WDR47: variants seen among roughly 807,000 people sequenced by gnomAD.
WDR47 encodes the protein WD repeat domain 47.
WDR47 carries 32 observed loss-of-function variants against 97.2 expected under a neutral mutation model. That is an observed-to-expected ratio of 0.33 (90% confidence interval 0.25 to 0.44). WDR47 has a LOEUF of 0.44. Ranked by LOEUF, WDR47 falls within the 20% of genes least tolerant of loss-of-function variation. The pLI, the probability that WDR47 is intolerant of heterozygous loss-of-function variation, is 1.00. For synonymous variants in WDR47, 375 were observed against 373.5 expected (o/e 1.00, Z -0.05); for missense variants, 782 against 1,102.3 (o/e 0.71, Z 4.11).
chr1:108,975,119 TAA>T, intron 13 of WDR47, among the ~76,000 whole-genome samples: 2 of 152,106 alleles, frequency 1.3e-5, no homozygotes, highest in Middle Eastern at 3.4e-3. Flanking sequence ...AGAGTGTAGT[TAA>T]AGAGACAAGA....
At chr1:109,013,507 T>A (rs1463278163) in intron 4 of WDR47, among the ~76,000 whole-genome samples, 1 of 150,818 alleles carries the variant, frequency 6.6e-6, no homozygotes, top group African/African-American at 2.4e-5. Flanking sequence ...AAAAAGGACA[T>A]AAATATAACC....
Position 108,971,291 on chromosome 1 carries a change from AGT to A in WDR47, c.*137_*138del. On this transcript the variant is annotated 3_prime_UTR_variant, in exon 15 of 15. Coordinates refer to ENST00000369962, the MANE Select transcript of WDR47 (RefSeq NM_001142551.2). ...ATAACACCACCCAACACCTCCTATC[AGT>A]GGGATACATGGTAATAAGGGGCCTC... The A allele has an allele frequency of 8.7e-7, 1 of 1,148,824 alleles. No individual in the cohort carries two copies. The highest frequency in any genetic ancestry group is 1.5e-5 in the African/African-American group (1 of 64,854). The allele number at this position is 1,148,824 out of a possible 1,614,324, so 71.2% of individuals were successfully genotyped here.
rs1369355073 is a variant in WDR47, at chr1:109,029,517, G to A, written c.-9-5996C>T. Among the ~76,000 whole-genome samples, 28 of 151,708 alleles carry A rather than the reference G, an allele frequency of 1.8e-4. 1 individual carries two copies. Among genetic ancestry groups the A allele is most frequent in the African/African-American group, 4.8e-5 (2 of 41,278 alleles). On this transcript the variant is annotated intron_variant, in intron 1 of 14. Transcript: ENST00000369962. ...TCTACTGAAAATACAAAAATTAGCC[G>A]GGCGTGGTGGTGCATGCCTGTGGTC...
chr1:109,032,284 G>T (rs2102037130), intron 1 of WDR47, among the ~76,000 whole-genome samples: 1 of 137,808 alleles, frequency 7.3e-6, no homozygotes. Context: ...GGCGGAGGCG[G>T]GTGGATCTCG....
intron 1 of WDR47, 100 bp from the exon 2 acceptor site, chr1:109,023,621 A>G: frequency 8.3e-7 from 1 of 1,198,966 alleles, no homozygotes; most frequent in Non-Finnish European, 1.2e-6. Context: ...GGGAATCTTT[A>G]GTACACATAT....
intron 13 of WDR47, among the ~76,000 whole-genome samples, chr1:108,980,886 G>A (rs940787901): frequency 3.3e-5 from 5 of 152,094 alleles, no homozygotes; most frequent in African/African-American, 1.2e-4. Context: ...CCAGCACTGT[G>A]GGAGGCTGAG....
In WDR47 at chr1:109,026,000, G is replaced by A. The variant is rs560524405; in HGVS notation, c.-9-2479C>T. Among the ~76,000 whole-genome samples the A allele has an allele frequency of 1.2e-4, 18 of 151,520 alleles. No individual in the cohort carries two copies. In the East Asian group the frequency reaches 2.5e-3, roughly 21 times the overall value. ...CACCATCCTCCTGTTCACAGACTTC[G>A]TCCAAAAGAGGATACGGTAAAATAA... On this transcript the variant is annotated intron_variant, in intron 1 of 14. Transcript: ENST00000369962.
At chr1:109,039,297 A>C (rs1297137908) in intron 1 of WDR47, among the ~76,000 whole-genome samples, 1 of 151,686 alleles carries the variant, frequency 6.6e-6, no homozygotes, top group African/African-American at 2.4e-5. Context: ...TTTGTCGCCC[A>C]GGCTGGAGTG....
intron 14 of WDR47, among the ~76,000 whole-genome samples, chr1:108,972,660 G>A (rs1657549972): frequency 6.6e-6 from 1 of 152,128 alleles, no homozygotes. Context: ...AATGTCTATA[G>A]GCCGGGCGCG....
intron 1 of WDR47, among the ~76,000 whole-genome samples, chr1:109,026,692 T>C (rs1662240063): frequency 6.6e-6 from 1 of 152,330 alleles, no homozygotes; most frequent in South Asian, 2.1e-4. Context: ...ATTGGGACTA[T>C]AATTTTCTAA....
chr1:108,986,797 T>C, intron 9 of WDR47, 117 bp from the exon 10 acceptor site: 1 of 844,542 alleles, frequency 1.2e-6, no homozygotes, highest in Non-Finnish European at 1.8e-6. Context: ...ATGTTAGGTT[T>C]ACTGCCAATA....
intron 9 of WDR47, among the ~76,000 whole-genome samples, chr1:108,989,461 G>A (rs1427154919): frequency 6.6e-6 from 1 of 152,216 alleles, no homozygotes; most frequent in African/African-American, 2.4e-5. Context: ...CTATGTAAGT[G>A]AATTGAATTC....
At chr1:108,984,338 G>A (rs1333216466) in intron 10 of WDR47, among the ~76,000 whole-genome samples, 1 of 152,180 alleles carries the variant, frequency 6.6e-6, no homozygotes, top group Non-Finnish European at 1.5e-5. Flanking sequence ...TCAAGTCTAT[G>A]TAAGAAAATG....
At chr1:109,039,134 A>G (rs1663166480) in intron 1 of WDR47, among the ~76,000 whole-genome samples, 1 of 152,234 alleles carries the variant, frequency 6.6e-6, no homozygotes. Context: ...GTAATGAGTG[A>G]TGAGCATTTA....
At chr1:108,979,801 G>A (rs1185522423) in intron 13 of WDR47, among the ~76,000 whole-genome samples, 1 of 152,010 alleles carries the variant, frequency 6.6e-6, no homozygotes, top group African/African-American at 2.4e-5. Context: ...TTTTAACCAG[G>A]GCAATGCTGT....
chr1:108,985,239 G>A (rs839879), intron 10 of WDR47, among the ~76,000 whole-genome samples: 19,948 of 152,096 alleles, frequency 0.13, 1,397 homozygotes, highest in South Asian at 0.17. Flanking sequence ...CTATCTCTGC[G>A]GCCTTATCAA....
chr1:108,973,777 G>A (rs1272471753), intron 14 of WDR47, among the ~76,000 whole-genome samples: 4 of 152,044 alleles, frequency 2.6e-5, no homozygotes, highest in East Asian at 1.9e-4. Context: ...CCAGCTATTC[G>A]GAGGCTGAGG....
chr1:109,020,838 ATTG>A (rs1306416227), intron 2 of WDR47, among the ~76,000 whole-genome samples: 3 of 150,852 alleles, frequency 2.0e-5, no homozygotes, highest in Admixed American at 6.6e-5. Context: ...TATTGCTGTT[ATTG>A]TTGTTGTTGT....
intron 1 of WDR47, chr1:109,030,181 G>A: frequency 6.8e-7 from 1 of 1,472,766 alleles, no homozygotes; most frequent in Non-Finnish European, 9.2e-7. Flanking sequence ...AAATGCCCAG[G>A]ATAATATAAA....
Sources: allele counts gnomAD v4.1 joint callset (sites outside exome capture counted in the v4.1 genomes callset), GRCh38; gene constraint gnomAD v4.1.1; transcripts MANE v1.5; gene names NCBI Gene and HGNC (gene_info 2026-07-23, HGNC 2026-07-21).